PCDH11X: variants seen among roughly 807,000 people sequenced by gnomAD.
PCDH11X encodes protocadherin-11 X-linked.
A neutral mutation model predicts 53.3 loss-of-function variants in PCDH11X; 18 were observed. The observed-to-expected ratio is 0.34, with a 90% confidence interval of 0.23 to 0.50. The LOEUF is 0.50. Ranked by LOEUF, PCDH11X falls within the 20% of genes least tolerant of loss-of-function variation. The probability of loss-of-function intolerance (pLI) is 0.98; values close to 1 mark genes in which losing one functional copy is unlikely to be tolerated. For missense variants in PCDH11X, 570 were observed against 1,032.4 expected (o/e 0.55, Z 6.14); for synonymous variants, 279 against 393.3 (o/e 0.71, Z 3.44).
intron 8 of PCDH11X, among the ~76,000 whole-genome samples, chrX:92,346,820 G>T (rs2069908527): frequency 9.0e-6 from 1 of 111,411 alleles, no homozygotes; most frequent in East Asian, 2.8e-4. Flanking sequence ...CTATGTCATG[G>T]TCTCCAATAT....
rs910472401 is a variant in PCDH11X at position 92,483,854 on chromosome X, C to T, written c.3367+15532C>T. 7.3e-5 allele frequency among the ~76,000 whole-genome samples: 8 copies of T among 109,643 alleles called. No individual in the cohort carries two copies. In the East Asian group the frequency reaches 1.1e-3, roughly 16 times the overall value. On this transcript the variant is annotated intron_variant, in intron 10 of 10. Coordinates refer to ENST00000682573, the MANE Select transcript of PCDH11X (RefSeq NM_032968.5). ...TAGTTTAATGACGCCATTCATTTAA[C>T]GTAAATATGTTTCATTGTGAAAGAA...
At chrX:92,089,716 T>C (rs2064017959) in intron 6 of PCDH11X, among the ~76,000 whole-genome samples, 1 of 104,471 alleles carries the variant, frequency 9.6e-6, no homozygotes, top group South Asian at 4.4e-4. Context: ...AGAGACAGGG[T>C]TTCATCATAT....
At chrX:92,597,706 C>T (rs1263573811) in intron 10 of PCDH11X, among the ~76,000 whole-genome samples, 3 of 111,214 alleles carry the variant, frequency 2.7e-5, no homozygotes, top group Non-Finnish European at 3.8e-5. Flanking sequence ...CCACAAAAGA[C>T]CCAGAATAGC....
chrX:92,575,938 T>TACACACAC lies in PCDH11X; in HGVS notation c.3368-42325_3368-42324insCACACACA, dbSNP rs1250408122. Among the ~76,000 whole-genome samples the TACACACAC allele has an allele frequency of 5.4e-3, 147 of 27,085 alleles. 3 individuals are homozygous for TACACACAC. Among genetic ancestry groups the TACACACAC allele is most frequent in the South Asian group, 0.016 (8 of 491 alleles). The allele number at this position is 27,085 out of a possible 115,157, so 23.5% of individuals were successfully genotyped here. Reference sequence around the variant, plus strand: ...ATATATATATATATATATATATATATATATATACACACACACACACACACA... The same window carrying TACACACAC: ...ATATATATATATATATATATATATATACACACACATATATACACACACACACACACACA... On this transcript the variant is annotated intron_variant, in intron 10 of 10. Transcript: ENST00000682573.
Position 92,343,020 on chromosome X carries a change from A to G in PCDH11X, c.3145-44715A>G, listed in dbSNP as rs1169488142. On this transcript the variant is annotated intron_variant, in intron 8 of 10. Coordinates refer to ENST00000682573, the MANE Select transcript of PCDH11X (RefSeq NM_032968.5). The stretch of plus-strand genomic sequence containing the variant: ...GCTGACCAAACATGAGAATATTTCT[A>G]ATCAAATTAAGTGTTTTATATAATC... Among the ~76,000 whole-genome samples the G allele has an allele frequency of 2.7e-5, 3 of 112,207 alleles. No individual in the cohort carries two copies. The Admixed American group carries it at 2.8e-4, about 11-fold the overall frequency.
At chrX:92,302,708 G>T (rs1468013062) in intron 8 of PCDH11X, among the ~76,000 whole-genome samples, 1 of 106,682 alleles carries the variant, frequency 9.4e-6, no homozygotes, top group Non-Finnish European at 1.9e-5. Context: ...TACTATCTAA[G>T]AATCTGAGTG....
chrX:92,305,306 T>C (rs1200090926), intron 8 of PCDH11X, among the ~76,000 whole-genome samples: 2 of 109,407 alleles, frequency 1.8e-5, no homozygotes, highest in African/African-American at 6.7e-5. Flanking sequence ...TAGGAATTTA[T>C]TTTCTTCCTG....
At chrX:92,509,366 T>C (rs2074123215) in intron 10 of PCDH11X, among the ~76,000 whole-genome samples, 1 of 110,104 alleles carries the variant, frequency 9.1e-6, no homozygotes, top group African/African-American at 3.3e-5. Flanking sequence ...ACTAGACATA[T>C]AATTTCTTCA....
intron 6 of PCDH11X, chrX:91,880,046 G>C: frequency 1.9e-6 from 1 of 530,754 alleles, no homozygotes; most frequent in Non-Finnish European, 2.3e-6. Context: ...TTCTCTAATA[G>C]GCACAAAGAA....
chrX:92,431,924 T>G (rs2072258746), intron 9 of PCDH11X, among the ~76,000 whole-genome samples: 1 of 110,432 alleles, frequency 9.1e-6, no homozygotes. Context: ...TAAATTTTCA[T>G]TAACCTAGTA....
Position 92,306,524 on chromosome X carries a change from T to C in PCDH11X, c.3144+43381T>C, listed in dbSNP as rs192330006. 1.2e-3 allele frequency among the ~76,000 whole-genome samples: 134 copies of C among 108,746 alleles called. 1 individual carries two copies. Among genetic ancestry groups the C allele is most frequent in the African/African-American group, 4.2e-3 (126 of 29,934 alleles). 94.4% of individuals were successfully genotyped at this position (108,746 alleles called of 115,157 possible). On this transcript the variant is annotated intron_variant, in intron 8 of 10. Transcript: ENST00000682573. ...AGAAAAAAAAGAAAAGACTAATATT[T>C]AATTAATATCAGAAATGAAAGATGA...
chrX:92,103,515 G>A (rs141896413), intron 6 of PCDH11X, among the ~76,000 whole-genome samples: 2 of 111,501 alleles, frequency 1.8e-5, no homozygotes, highest in South Asian at 3.8e-4. Flanking sequence ...TCTTCAGCCG[G>A]TAAGCCAAGA....
In PCDH11X at chrX:92,460,632, G is replaced by A; in HGVS notation, c.3344-7667G>A. ...AAGGCCAGCTTGGAGAACAACCCGA[G>A]GGAGGTGGAGGCCCGCTACTCCCTA... On this transcript the variant is annotated intron_variant, in intron 9 of 10. Transcript: ENST00000682573. The A allele has an allele frequency of 5.9e-6, 5 of 845,348 alleles. No individual in the cohort carries two copies. The South Asian group carries it at 1.1e-4, about 18-fold the overall frequency. 69.7% of individuals were successfully genotyped at this position (845,348 alleles called of 1,213,427 possible).
intron 5 of PCDH11X, among the ~76,000 whole-genome samples, chrX:91,875,431 C>T (rs1458832039): frequency 9.3e-6 from 1 of 106,989 alleles, no homozygotes; most frequent in East Asian, 2.9e-4. Flanking sequence ...CACAGGCGCC[C>T]GCCACCACGC....
At chrX:92,110,455 C>A (rs1048762511) in intron 6 of PCDH11X, among the ~76,000 whole-genome samples, 16 of 107,775 alleles carry the variant, frequency 1.5e-4, no homozygotes, top group Non-Finnish European at 2.5e-4. Flanking sequence ...GACAGGTCTA[C>A]GCCTTTCTCC....
intron 8 of PCDH11X, among the ~76,000 whole-genome samples, chrX:92,355,145 A>T (rs925662269): frequency 2.8e-5 from 3 of 105,909 alleles, no homozygotes; most frequent in African/African-American, 1.0e-4. Context: ...AGAAATTATT[A>T]GGCCGGGCGC....
intron 4 of PCDH11X, among the ~76,000 whole-genome samples, chrX:91,827,532 TC>T (rs781672770): frequency 6.4e-5 from 7 of 109,518 alleles, no homozygotes; most frequent in Non-Finnish European, 1.1e-4. Flanking sequence ...CTTTGCCACT[TC>T]CTTTGTCCAG....
At chrX:92,470,099 G>A (rs985483102) in intron 10 of PCDH11X, among the ~76,000 whole-genome samples, 2 of 110,378 alleles carry the variant, frequency 1.8e-5, no homozygotes, top group Non-Finnish European at 3.8e-5. Flanking sequence ...GTTCATTGTA[G>A]AGAATTTCCC....
chrX:92,412,440 C>T (rs1178408752), intron 9 of PCDH11X, among the ~76,000 whole-genome samples: 8 of 97,396 alleles, frequency 8.2e-5, no homozygotes, highest in Non-Finnish European at 1.6e-4. Context: ...TACACTGTCA[C>T]AGGGGGCTTT....
Sources: allele counts gnomAD v4.1 joint callset (sites outside exome capture counted in the v4.1 genomes callset), GRCh38; gene constraint gnomAD v4.1.1; transcripts MANE v1.5; gene names NCBI Gene and HGNC (gene_info 2026-07-23, HGNC 2026-07-21).